Variants in PLXDC2 observed in about 807,000 individuals in gnomAD.
PLXDC2 encodes plexin domain-containing protein 2.
A neutral mutation model predicts 68.9 loss-of-function variants in PLXDC2; 40 were observed. The ratio of observed to expected loss-of-function variants is 0.58; its 90% CI spans 0.45 to 0.76. PLXDC2 has a LOEUF of 0.76. PLXDC2 is among the 30% of genes least tolerant of loss of function. PLXDC2 has a pLI of 0.00. For missense variants in PLXDC2, 644 were observed against 661.9 expected (o/e 0.97, Z 0.30); for synonymous variants, 243 against 234.2 (o/e 1.04, Z -0.34).
intron 9 of PLXDC2, among the ~76,000 whole-genome samples, chr10:20,201,490 TATA>T (rs1288321142): frequency 1.3e-5 from 2 of 151,892 alleles, no homozygotes; most frequent in Middle Eastern, 3.2e-3. Context: ...TTATATACAG[TATA>T]ATAGATTATA....
intron 11 of PLXDC2, among the ~76,000 whole-genome samples, chr10:20,217,945 T>C (rs1024044506): frequency 2.0e-5 from 3 of 152,262 alleles, no homozygotes; most frequent in Non-Finnish European, 4.4e-5. Context: ...GCAAAATGCA[T>C]ATAAAATGTC....
chr10:19,937,856 T>G (rs929341041), intron 1 of PLXDC2, among the ~76,000 whole-genome samples: 6 of 152,060 alleles, frequency 3.9e-5, no homozygotes, highest in African/African-American at 1.2e-4. Context: ...GTCCAGTCCT[T>G]GGTCACTATC....
intron 13 of PLXDC2, among the ~76,000 whole-genome samples, chr10:20,275,760 A>C (rs1232612616): frequency 6.6e-6 from 1 of 152,210 alleles, no homozygotes; most frequent in South Asian, 2.1e-4. Flanking sequence ...TAAAAATACA[A>C]AAATTAGCTG....
intron 1 of PLXDC2, among the ~76,000 whole-genome samples, chr10:19,907,986 A>C (rs78610827): frequency 0.041 from 6,305 of 152,266 alleles, 181 homozygotes; most frequent in Middle Eastern, 0.11. Flanking sequence ...TTTCATTATA[A>C]GATTTAATCG....
At chr10:19,944,412 A>C (rs200085412) in intron 1 of PLXDC2, among the ~76,000 whole-genome samples, 10 of 97,242 alleles carry the variant, frequency 1.0e-4, no homozygotes, top group Non-Finnish European at 1.5e-4. Context: ...GTAACTTTTC[A>C]AAAAAAAAAA....
At position 19,968,481 on chromosome 10, in the gene PLXDC2, T is replaced by C. The variant is rs1467796068; in HGVS notation, c.113-33294T>C. Among the ~76,000 whole-genome samples the C allele has an allele frequency of 2.0e-5, 3 of 152,186 alleles. No individual in the cohort carries two copies. The East Asian group carries it at 5.8e-4, about 29-fold the overall frequency. Reference sequence around the variant, plus strand: ...GCGCACACCACTATGCCTGGCTAATTTTTTTGTTTTTAGTAGAGATGGGGG... The same window carrying C: ...GCGCACACCACTATGCCTGGCTAATCTTTTTGTTTTTAGTAGAGATGGGGG... On this transcript the variant is annotated intron_variant, in intron 1 of 13. Coordinates refer to ENST00000377252, the MANE Select transcript of PLXDC2 (RefSeq NM_032812.9).
chr10:19,924,860 A>G (rs551964140), intron 1 of PLXDC2, among the ~76,000 whole-genome samples: 32 of 152,292 alleles, frequency 2.1e-4, no homozygotes, highest in African/African-American at 7.5e-4. Context: ...TGCTAGAAAA[A>G]TGTACTTCAC....
intron 1 of PLXDC2, among the ~76,000 whole-genome samples, chr10:19,980,263 A>G (rs929458620): frequency 6.6e-6 from 1 of 152,202 alleles, no homozygotes; most frequent in African/African-American, 2.4e-5. Flanking sequence ...CAGTATACTG[A>G]CAGATTTTTG....
chr10:19,964,774 C>G (rs949375536), intron 1 of PLXDC2, among the ~76,000 whole-genome samples: 20 of 152,140 alleles, frequency 1.3e-4, no homozygotes, highest in African/African-American at 4.6e-4. Context: ...CTAACCTTAG[C>G]AGAGTGCCTG....
chr10:19,858,276 T>C (rs116229266), intron 1 of PLXDC2, among the ~76,000 whole-genome samples: 82 of 152,344 alleles, frequency 5.4e-4, no homozygotes, highest in Middle Eastern at 3.4e-3. Flanking sequence ...GCCAGGAACC[T>C]GCACCATGCA....
intron 1 of PLXDC2, among the ~76,000 whole-genome samples, chr10:19,938,514 G>A (rs1042274685): frequency 6.6e-6 from 1 of 151,968 alleles, no homozygotes; most frequent in Non-Finnish European, 1.5e-5. Context: ...AGAGTTTGGC[G>A]GGGGGCTATA....
chr10:20,259,551 T>G (rs1835784238), intron 13 of PLXDC2, among the ~76,000 whole-genome samples: 1 of 152,180 alleles, frequency 6.6e-6, no homozygotes, highest in Non-Finnish European at 1.5e-5. Context: ...CTCTAAATAC[T>G]TCATGTAATA....
intron 4 of PLXDC2, among the ~76,000 whole-genome samples, chr10:20,122,251 C>T (rs530599770): frequency 2.7e-4 from 41 of 152,228 alleles, no homozygotes; most frequent in Middle Eastern, 6.8e-3. Flanking sequence ...TGTCAATACG[C>T]ACCACAGTTA....
intron 1 of PLXDC2, among the ~76,000 whole-genome samples, chr10:19,919,039 G>A (rs544620173): frequency 1.3e-5 from 2 of 152,274 alleles, no homozygotes; most frequent in African/African-American, 2.4e-5. Flanking sequence ...TGTGAGAAGC[G>A]CAGTGTTGAT....
chr10:19,824,835 T>G (rs547087097), intron 1 of PLXDC2, among the ~76,000 whole-genome samples: 1 of 152,206 alleles, frequency 6.6e-6, no homozygotes, highest in Non-Finnish European at 1.5e-5. Flanking sequence ...TCTTTTTAAT[T>G]AAAAAGGTGG....
chr10:20,233,699 G>T (rs1835394518), intron 12 of PLXDC2, among the ~76,000 whole-genome samples: 1 of 152,052 alleles, frequency 6.6e-6, no homozygotes, highest in Admixed American at 6.6e-5. Flanking sequence ...CTGCCAGGAG[G>T]GTTGCTTCTA....
intron 2 of PLXDC2, among the ~76,000 whole-genome samples, chr10:20,018,810 A>T (rs1835255558): frequency 6.6e-6 from 1 of 152,334 alleles, no homozygotes; most frequent in African/African-American, 2.4e-5. Context: ...TTAATAAGAC[A>T]GGAGCTGTTC....
intron 1 of PLXDC2, among the ~76,000 whole-genome samples, chr10:19,818,124 G>A (rs1836390704): frequency 6.6e-6 from 1 of 152,006 alleles, no homozygotes; most frequent in Admixed American, 6.6e-5. Context: ...TTCGAGAGGA[G>A]GTGAAACGAG....
chr10:19,966,157 C>T lies in PLXDC2; in HGVS notation c.113-35618C>T, dbSNP rs540160911. Among the ~76,000 whole-genome samples, 30 of 146,002 alleles carry T rather than the reference C, an allele frequency of 2.1e-4. No homozygotes were observed. In the South Asian group the frequency reaches 4.6e-3, roughly 23 times the overall value. On this transcript the variant is annotated intron_variant, in intron 1 of 13. Transcript: ENST00000377252. The stretch of plus-strand genomic sequence containing the variant: ...TATATATATAGTATATATATAAACA[C>T]GCACACATATACATGTGTATATATA...
Sources: gnomAD v4.1 joint callset for allele counts (sites outside exome capture counted in the v4.1 genomes callset) on GRCh38, gnomAD v4.1.1 for gene constraint, MANE v1.5 for transcripts, NCBI Gene and HGNC (gene_info 2026-07-23, HGNC 2026-07-21) for gene names.